The following NSUN3 variants were observed in gnomAD, a reference collection of about 807,000 sequenced individuals.
NSUN3 encodes the protein NOP2/Sun RNA methyltransferase 3.
In NSUN3, 24 loss-of-function variants were observed where a neutral mutation model predicts 36.8. The observed-to-expected ratio is 0.65, with a 90% CI of 0.47 to 0.92. NSUN3 has a LOEUF of 0.92. Among genes scored for constraint, NSUN3 ranks in the 40% least tolerant of loss-of-function variants. The pLI is 0.00. For missense variants in NSUN3, 381 were observed against 392.8 expected, an observed-to-expected ratio of 0.97 and a Z score of 0.25; for synonymous variants, 146 against 145.2, an observed-to-expected ratio of 1.01 and a Z score of -0.04.
At chr3:94,077,617 C>T (rs538326365) in intron 2 of NSUN3, among the ~76,000 whole-genome samples, 33 of 152,234 alleles carry the variant, frequency 2.2e-4, no homozygotes, top group African/African-American at 7.0e-4. Flanking sequence ...AATTTCAGAA[C>T]TTGTTATTGG....
intron 3 of NSUN3, chr3:94,084,685 A>G (rs566516565): frequency 4.4e-4 from 189 of 426,426 alleles, no homozygotes; most frequent in African/African-American, 3.5e-3. Context: ...AACATTTCGC[A>G]AATACAAATC....
At position 94,084,455 on chromosome 3, in the gene NSUN3, T is replaced by G. The variant is rs775345586; in HGVS notation, c.466+5T>G. Reference sequence around the variant, plus strand: ...TGCTGCAGTGTGCTTGTCCAGGTAGTGTGCTTTCCTTTCAGTATTTGACAA... The same window carrying G: ...TGCTGCAGTGTGCTTGTCCAGGTAGGGTGCTTTCCTTTCAGTATTTGACAA... On this transcript the variant is annotated splice_donor_5th_base_variant and intron_variant, in intron 3 of 5. Coordinates refer to ENST00000314622, the MANE Select transcript of NSUN3 (RefSeq NM_022072.5). 1 of 1,595,916 alleles carries G rather than the reference T, an allele frequency of 6.3e-7. No individual in the cohort carries two copies. The highest frequency in any genetic ancestry group is 8.5e-7 in the Non-Finnish European group (1 of 1,170,166).
chr3:94,080,003 G>C (rs1576084310), intron 2 of NSUN3, among the ~76,000 whole-genome samples: 2 of 152,096 alleles, frequency 1.3e-5, no homozygotes, highest in Non-Finnish European at 1.5e-5. Flanking sequence ...TGGAGGAGAA[G>C]AGGCATTCTG....
intron 2 of NSUN3, among the ~76,000 whole-genome samples, chr3:94,074,420 TTCTTCTTA>T (rs2077238277): frequency 6.6e-6 from 1 of 152,232 alleles, no homozygotes; most frequent in South Asian, 2.1e-4. Context: ...ACTGTATTGA[TTCTTCTTA>T]TCCATGAGCA....
At chr3:94,107,874 T>G (rs2107265085) in intron 5 of NSUN3, among the ~76,000 whole-genome samples, 1 of 152,232 alleles carries the variant, frequency 6.6e-6, no homozygotes, top group East Asian at 1.9e-4. Context: ...AACAGGCTAT[T>G]TTACTTTCTG....
intron 5 of NSUN3, among the ~76,000 whole-genome samples, chr3:94,116,695 A>G (rs1576101201): frequency 6.6e-6 from 1 of 152,210 alleles, no homozygotes. Context: ...ATAGTTTTAC[A>G]GTATAATTCA....
intron 5 of NSUN3, among the ~76,000 whole-genome samples, chr3:94,096,448 C>A (rs2077339990): frequency 6.6e-6 from 1 of 152,084 alleles, no homozygotes; most frequent in African/African-American, 2.4e-5. Flanking sequence ...TTCTCTAAAT[C>A]ATTTTTCTCA....
intron 3 of NSUN3, among the ~76,000 whole-genome samples, chr3:94,092,855 G>A (rs2077321218): frequency 7.1e-6 from 1 of 140,300 alleles, no homozygotes; most frequent in Admixed American, 7.7e-5. Context: ...GGGAGTCAGA[G>A]GTTGCAGTGA....
At chr3:94,090,541 A>C (rs138577220) in intron 3 of NSUN3, among the ~76,000 whole-genome samples, 194 of 152,302 alleles carry the variant, frequency 1.3e-3, no homozygotes, top group African/African-American at 4.5e-3. Context: ...TACTAAATGC[A>C]AGGTATTGGA....
chr3:94,086,137 T>C (rs2077292008), intron 3 of NSUN3, among the ~76,000 whole-genome samples: 1 of 152,058 alleles, frequency 6.6e-6, no homozygotes, highest in Admixed American at 6.6e-5. Flanking sequence ...AGAGATGGGG[T>C]TTCACCATGT....
rs2077486873 is a variant in NSUN3, at chr3:94,126,481, A to G, written c.1014A>G (p.Gly338=). ...VAKLKKSWST[G]KW is the part of the protein sequence containing the mutation. ...AATTGAAGAAATCATGGAGCACAGG[A>G]AAATGGTGACATGAATTTGTAAACT... The change falls in exon 6 of 6, where the codon GGA becomes GGG. Residue 338 remains glycine (G), a synonymous_variant. Coordinates refer to ENST00000314622, the MANE Select transcript of NSUN3 (RefSeq NM_022072.5). 1 of 1,604,470 alleles carries G rather than the reference A, an allele frequency of 6.2e-7. No homozygotes were observed. Among genetic ancestry groups the G allele is most frequent in the East Asian group, 2.2e-5 (1 of 44,666 alleles).
intron 1 of NSUN3, 101 bp from the exon 2 acceptor site, chr3:94,064,336 C>A (rs1426154258): frequency 1.0e-5 from 7 of 698,926 alleles, no homozygotes; most frequent in Non-Finnish European, 1.3e-5. Context: ...AGTAATTATC[C>A]AAAAAAAGTG....
At chr3:94,111,300 G>GT (rs1287343102) in intron 5 of NSUN3, among the ~76,000 whole-genome samples, 1 of 152,132 alleles carries the variant, frequency 6.6e-6, no homozygotes. Flanking sequence ...TGAGTGAGTG[G>GT]TGAGTGAATG....
chr3:94,102,377 A>T (rs1467086867), intron 5 of NSUN3, among the ~76,000 whole-genome samples: 1 of 152,284 alleles, frequency 6.6e-6, no homozygotes, highest in South Asian at 2.1e-4. Context: ...GGCTATCAGA[A>T]TGGAAGATTT....
chr3:94,113,273 T>TAAA (rs2077425550), intron 5 of NSUN3, among the ~76,000 whole-genome samples: 1 of 152,192 alleles, frequency 6.6e-6, no homozygotes, highest in Non-Finnish European at 1.5e-5. Flanking sequence ...TAACTGCCAT[T>TAAA]AAAAGTATGA....
At chr3:94,071,080 A>T (rs1224651576) in intron 2 of NSUN3, among the ~76,000 whole-genome samples, 10 of 152,188 alleles carry the variant, frequency 6.6e-5, no homozygotes, top group African/African-American at 2.4e-4. Flanking sequence ...TTGAATCCTG[A>T]CTGATTTTAT....
Position 94,093,241 on chromosome 3 carries a change from GA to G in NSUN3, c.467-888del, listed in dbSNP as rs770733847. On this transcript the variant is annotated intron_variant, in intron 3 of 5. Coordinates refer to ENST00000314622, the MANE Select transcript of NSUN3 (RefSeq NM_022072.5). ...CTTTTTAACAGTGGAATGACAATCA[GA>G]AAAAAAAAAATATGTAACTGGGCAT... Among the ~76,000 whole-genome samples, 326 of 142,916 alleles carry G rather than the reference GA, an allele frequency of 2.3e-3. 1 individual carries two copies. Among genetic ancestry groups the G allele is most frequent in the Non-Finnish European group, 3.2e-3 (209 of 65,216 alleles). The allele number at this position is 142,916 out of a possible 152,430, so 93.8% of individuals were successfully genotyped here.
rs2077500006 is a variant in NSUN3, at chr3:94,129,239, T to A, written c.*2749T>A. Reference sequence around the variant, plus strand: ...ACAGTAATATTTACAATAGTAAAGATACGGAATCAACCTAACCGCCCATCA... The same window carrying A: ...ACAGTAATATTTACAATAGTAAAGAAACGGAATCAACCTAACCGCCCATCA... On this transcript the variant is annotated 3_prime_UTR_variant, in exon 6 of 6. Transcript: ENST00000314622. Among the ~76,000 whole-genome samples the A allele has an allele frequency of 6.6e-6, 1 of 152,180 alleles. No individual in the cohort carries two copies.
chr3:94,083,550 A>G (rs2077279856), intron 2 of NSUN3, among the ~76,000 whole-genome samples: 1 of 152,148 alleles, frequency 6.6e-6, no homozygotes. Context: ...TTGTGCAAAT[A>G]TCTGATTGGT....
Sources: allele counts gnomAD v4.1 joint callset (sites outside exome capture counted in the v4.1 genomes callset), GRCh38; gene constraint gnomAD v4.1.1; transcripts MANE v1.5; gene names NCBI Gene and HGNC (gene_info 2026-07-23, HGNC 2026-07-21).